The following DACH2 variants were observed in gnomAD, a reference collection of about 807,000 sequenced individuals.
DACH2 encodes the protein dachshund homolog 2.
In DACH2, 17 loss-of-function variants were observed where a neutral mutation model predicts 35.8. The ratio of observed to expected loss-of-function variants is 0.48; its 90% CI spans 0.33 to 0.71. DACH2 has a LOEUF of 0.71. DACH2 is among the 30% of genes least tolerant of loss of function. The pLI is 0.02. For synonymous variants in DACH2, 195 were observed against 177.3 expected, an observed-to-expected ratio of 1.10 and a Z score of -0.79; for missense variants, 469 against 472.7, an observed-to-expected ratio of 0.99 and a Z score of 0.07.
At chrX:86,667,603 A>AGAAG (rs2040713051) in intron 4 of DACH2, among the ~76,000 whole-genome samples, 2 of 99,733 alleles carry the variant, frequency 2.0e-5, no homozygotes, top group African/African-American at 9.1e-5. Context: ...AAAGAAAGAA[A>AGAAG]GAAAGAAAGA....
chrX:86,184,206 C>A (rs1225573265), intron 1 of DACH2: 2 of 169,197 alleles, frequency 1.2e-5, no homozygotes, highest in Non-Finnish European at 1.1e-5. Flanking sequence ...TATTTCTAGT[C>A]TTCTGATTTT....
At chrX:86,235,051 T>C (rs1040056850) in intron 1 of DACH2, among the ~76,000 whole-genome samples, 9 of 112,089 alleles carry the variant, frequency 8.0e-5, no homozygotes, top group African/African-American at 2.9e-4. Context: ...TAGGCTGCTC[T>C]TGTCTGTGGC....
intron 1 of DACH2, among the ~76,000 whole-genome samples, chrX:86,293,831 A>G (rs1165499418): frequency 4.5e-5 from 5 of 110,953 alleles, no homozygotes; most frequent in East Asian, 5.7e-4. Context: ...GGGTAACCCT[A>G]TGTTTCTCTC....
intron 3 of DACH2, among the ~76,000 whole-genome samples, chrX:86,555,178 G>A (rs73631963): frequency 0.02 from 2,214 of 111,494 alleles, 57 homozygotes; most frequent in African/African-American, 0.066. Context: ...CTTAAGTAAC[G>A]CCACAGGATA....
intron 1 of DACH2, among the ~76,000 whole-genome samples, chrX:86,291,541 G>C (rs1318595456): frequency 9.3e-6 from 1 of 107,758 alleles, no homozygotes; most frequent in Admixed American, 1.0e-4. Flanking sequence ...TGCCCATTCA[G>C]TATGATATTG....
chrX:86,565,791 G>A (rs950569214), intron 3 of DACH2, among the ~76,000 whole-genome samples: 2 of 110,990 alleles, frequency 1.8e-5, no homozygotes, highest in African/African-American at 6.5e-5. Flanking sequence ...ATTTAAATAG[G>A]AAAAGTCAAG....
intron 2 of DACH2, among the ~76,000 whole-genome samples, chrX:86,459,439 T>C (rs1409903568): frequency 8.9e-6 from 1 of 111,783 alleles, no homozygotes; most frequent in African/African-American, 3.2e-5. Context: ...ACCCAGTTTG[T>C]ACCTGGAACC....
At chrX:86,657,254 C>A (rs2040553959) in intron 4 of DACH2, among the ~76,000 whole-genome samples, 1 of 110,342 alleles carries the variant, frequency 9.1e-6, no homozygotes, top group Non-Finnish European at 1.9e-5. Context: ...GGATTGTATT[C>A]TTTGTGGATA....
chrX:86,451,558 T>C (rs1775189733), intron 2 of DACH2, among the ~76,000 whole-genome samples: 2 of 111,469 alleles, frequency 1.8e-5, no homozygotes, highest in Non-Finnish European at 3.8e-5. Context: ...TTTGGTCCCA[T>C]ATGAGTTTTA....
chrX:86,327,324 G>T (rs1485163091), intron 1 of DACH2, among the ~76,000 whole-genome samples: 1 of 111,745 alleles, frequency 8.9e-6, no homozygotes, highest in Non-Finnish European at 1.9e-5. Context: ...AGATTCTGGT[G>T]CTTTACCTGC....
intron 4 of DACH2, among the ~76,000 whole-genome samples, chrX:86,687,159 T>A (rs1309386753): frequency 1.8e-5 from 2 of 112,004 alleles, no homozygotes; most frequent in South Asian, 7.4e-4. Flanking sequence ...ACATTTGAAT[T>A]TGACTCCTGA....
At chrX:86,390,534 TA>T (rs1371677339) in intron 2 of DACH2, among the ~76,000 whole-genome samples, 2 of 111,444 alleles carry the variant, frequency 1.8e-5, no homozygotes, top group Non-Finnish European at 3.8e-5. Flanking sequence ...GGCTGAGGAG[TA>T]AAATGTTGGA....
intron 4 of DACH2, among the ~76,000 whole-genome samples, chrX:86,691,056 G>A (rs184725902): frequency 8.9e-6 from 1 of 111,746 alleles, no homozygotes; most frequent in Non-Finnish European, 1.9e-5. Context: ...AAAATTTCTT[G>A]AAGACTTAAA....
chrX:86,418,487 C>T (rs1231089151), intron 2 of DACH2, among the ~76,000 whole-genome samples: 2 of 112,146 alleles, frequency 1.8e-5, no homozygotes, highest in African/African-American at 3.2e-5. Context: ...GCAGGCTCAA[C>T]ATGACATGGA....
chrX:86,522,213 T>A (rs755921528), intron 3 of DACH2, among the ~76,000 whole-genome samples: 1 of 111,821 alleles, frequency 8.9e-6, no homozygotes, highest in Admixed American at 9.5e-5. Flanking sequence ...AGTAAGAATA[T>A]CTTATTTAGC....
At chrX:86,322,698 G>A (rs1286756819) in intron 1 of DACH2, among the ~76,000 whole-genome samples, 1 of 112,231 alleles carries the variant, frequency 8.9e-6, no homozygotes, top group Non-Finnish European at 1.9e-5. Flanking sequence ...TTTGAGCAAG[G>A]CCCCTTAATG....
chrX:86,745,514 G>A lies in DACH2; in HGVS notation c.1240+5632G>A, dbSNP rs748676349. Reference sequence around the variant, plus strand: ...TTCCACTTATAAGTGAAAACATGCAGTATTTGGTTTTCTGTTCCTGCATTA... The same window carrying A: ...TTCCACTTATAAGTGAAAACATGCAATATTTGGTTTTCTGTTCCTGCATTA... On this transcript the variant is annotated intron_variant, in intron 7 of 11. Transcript: ENST00000373125. Among the ~76,000 whole-genome samples the A allele has an allele frequency of 2.7e-5, 3 of 111,302 alleles. No homozygotes were observed. The East Asian group carries it at 8.5e-4, about 32-fold the overall frequency.
At chrX:86,668,617 G>C (rs1212324363) in intron 4 of DACH2, among the ~76,000 whole-genome samples, 1 of 111,695 alleles carries the variant, frequency 9.0e-6, no homozygotes, top group African/African-American at 3.2e-5. Context: ...ATAATAATAT[G>C]AGAGATGCTA....
intron 9 of DACH2, among the ~76,000 whole-genome samples, chrX:86,814,016 G>A (rs750901409): frequency 9.0e-6 from 1 of 111,218 alleles, no homozygotes; most frequent in Non-Finnish European, 1.9e-5. Context: ...GGAATTTCGC[G>A]CTCCATTATA....
Sources: allele counts gnomAD v4.1 joint callset (sites outside exome capture counted in the v4.1 genomes callset), GRCh38; gene constraint gnomAD v4.1.1; transcripts MANE v1.5; gene names NCBI Gene and HGNC (gene_info 2026-07-23, HGNC 2026-07-21).